Variants in CDKL4 observed in about 807,000 individuals in gnomAD.
CDKL4 encodes cyclin dependent kinase like 4.
CDKL4 carries 44 observed loss-of-function variants against 42.0 expected under a neutral mutation model. The ratio of observed to expected loss-of-function variants is 1.05; its 90% CI spans 0.82 to 1.35. The LOEUF (loss-of-function observed/expected upper bound fraction) is 1.35, where lower values mean the gene tolerates loss of function less well. CDKL4 is among the 40% of genes most tolerant of loss of function. The probability of loss-of-function intolerance (pLI) is 0.00; values close to 1 mark genes in which losing one functional copy is unlikely to be tolerated. For synonymous variants in CDKL4, 120 were observed against 121.6 expected, an observed-to-expected ratio of 0.99 and a Z score of 0.09; for missense variants, 393 against 369.9, an observed-to-expected ratio of 1.06 and a Z score of -0.51.
At chr2:39,221,444 G>A (rs1396504254) in intron 3 of CDKL4, among the ~76,000 whole-genome samples, 1 of 152,108 alleles carries the variant, frequency 6.6e-6, no homozygotes, top group African/African-American at 2.4e-5. Flanking sequence ...CTGGGCTTAG[G>A]CCTTTAAAAA....
intron 9 of CDKL4, among the ~76,000 whole-genome samples, chr2:39,176,735 A>C (rs1675184338): frequency 6.6e-6 from 1 of 152,252 alleles, no homozygotes; most frequent in African/African-American, 2.4e-5. Flanking sequence ...ACCTGGCCTC[A>C]AATTTTGAAT....
intron 2 of CDKL4, among the ~76,000 whole-genome samples, chr2:39,226,536 G>T (rs1309777979): frequency 6.9e-6 from 1 of 145,706 alleles, no homozygotes; most frequent in Admixed American, 7.0e-5. Context: ...CTTATGCATA[G>T]ATATTTTGTG....
At chr2:39,203,778 G>A (rs7563858) in intron 5 of CDKL4, among the ~76,000 whole-genome samples, 2 of 152,066 alleles carry the variant, frequency 1.3e-5, no homozygotes, top group Non-Finnish European at 2.9e-5. Context: ...CTTTTCAGCC[G>A]CATGGCACAG....
intron 3 of CDKL4, among the ~76,000 whole-genome samples, chr2:39,224,865 T>C (rs1406418972): frequency 2.0e-5 from 3 of 152,206 alleles, no homozygotes; most frequent in African/African-American, 7.2e-5. Context: ...TGTCGTGTTA[T>C]AGGGGTCGCT....
exon 6 of CDKL4, chr2:39,190,407 T>G (rs1044777289): frequency 6.2e-7 from 1 of 1,614,104 alleles, no homozygotes; most frequent in Non-Finnish European, 8.5e-7. Flanking sequence ...ATAGCCCATA[T>G]ATCGACTGAA....
At chr2:39,218,571 A>C (rs530970561) in intron 3 of CDKL4, among the ~76,000 whole-genome samples, 1 of 152,174 alleles carries the variant, frequency 6.6e-6, no homozygotes, top group Non-Finnish European at 1.5e-5. Flanking sequence ...TTCACATTTG[A>C]ATCAGTAGAC....
chr2:39,191,193 GT>G (rs1676158664), intron 5 of CDKL4, among the ~76,000 whole-genome samples: 1 of 152,108 alleles, frequency 6.6e-6, no homozygotes, highest in Non-Finnish European at 1.5e-5. Flanking sequence ...GAGGTCAGGA[GT>G]TTGAGACCAG....
At position 39,224,845 on chromosome 2, in the gene CDKL4, A is replaced by T. The variant is rs557238188; in HGVS notation, c.290+994T>A. On this transcript the variant is annotated intron_variant, in intron 3 of 9. Coordinates refer to ENST00000451199, the Ensembl canonical transcript of CDKL4. Reference sequence around the variant, plus strand: ...TGATACAAATGCTGTTAATTTTTGCATGTGGAATCTGTCGTGTTATAGGGG... The same window carrying T: ...TGATACAAATGCTGTTAATTTTTGCTTGTGGAATCTGTCGTGTTATAGGGG... 2.2e-3 allele frequency among the ~76,000 whole-genome samples: 332 copies of T among 152,252 alleles called. 1 individual carries two copies. The highest frequency in any genetic ancestry group is 7.5e-3 in the African/African-American group (311 of 41,534).
At chr2:39,197,783 A>G (rs1013787287) in intron 5 of CDKL4, among the ~76,000 whole-genome samples, 1 of 152,204 alleles carries the variant, frequency 6.6e-6, no homozygotes, top group African/African-American at 2.4e-5. Context: ...CAGACAAACA[A>G]ATGCTGAGAG....
chr2:39,228,550 G>C (rs1678897759), intron 2 of CDKL4, among the ~76,000 whole-genome samples: 1 of 152,182 alleles, frequency 6.6e-6, no homozygotes, highest in African/African-American at 2.4e-5. Flanking sequence ...ACAGGGTCTT[G>C]TCACATAATG....
At chr2:39,184,115 C>T (rs1183544424) in intron 8 of CDKL4, among the ~76,000 whole-genome samples, 3 of 152,334 alleles carry the variant, frequency 2.0e-5, no homozygotes, top group South Asian at 4.1e-4. Flanking sequence ...TGAATAGCCA[C>T]ATTTGGAAGA....
chr2:39,234,192 C>T (rs1187416264), intron 1 of CDKL4, among the ~76,000 whole-genome samples: 1 of 151,952 alleles, frequency 6.6e-6, no homozygotes, highest in Non-Finnish European at 1.5e-5. Context: ...GGACTACAGG[C>T]GTGAGCCACT....
At chr2:39,233,452 C>T (rs1006289759) in intron 1 of CDKL4, among the ~76,000 whole-genome samples, 1 of 152,156 alleles carries the variant, frequency 6.6e-6, no homozygotes, top group Admixed American at 6.5e-5. Context: ...GAGAAGGATA[C>T]ATTTGGCATC....
At chr2:39,177,783 G>C (rs528712645) in intron 9 of CDKL4, among the ~76,000 whole-genome samples, 271 of 151,202 alleles carry the variant, frequency 1.8e-3, no homozygotes, top group Non-Finnish European at 3.5e-3. Context: ...CTGCCTCCCG[G>C]GTTCATGCAA....
rs58302117 is a variant in CDKL4 at position 39,202,238 on chromosome 2, C to CAAACAAAACA, written c.454+2279_454+2288dup. Among the ~76,000 whole-genome samples, 348 of 148,792 alleles carry CAAACAAAACA rather than the reference C, an allele frequency of 2.3e-3. 2 individuals carry two copies. The highest frequency in any genetic ancestry group is 7.8e-3 in the African/African-American group (315 of 40,206). ...CAGAGCAAGACTCTGGACACTGTCT[C>CAAACAAAACA]AAACAAAACAAAACAAAACAAAACA... On this transcript the variant is annotated intron_variant, in intron 5 of 9. Coordinates refer to ENST00000451199, the Ensembl canonical transcript of CDKL4.
At chr2:39,177,408 T>G (rs901750370) in intron 9 of CDKL4, among the ~76,000 whole-genome samples, 1 of 150,950 alleles carries the variant, frequency 6.6e-6, no homozygotes, top group Non-Finnish European at 1.5e-5. Flanking sequence ...AGTGAGTTTT[T>G]TTTTTTTTTT....
chr2:39,225,442 G>T (rs796895829), intron 3 of CDKL4, among the ~76,000 whole-genome samples: 8 of 149,726 alleles, frequency 5.3e-5, no homozygotes, highest in African/African-American at 2.0e-4. Context: ...TAGATGCTAG[G>T]GATTAAAAAA....
intron 8 of CDKL4, among the ~76,000 whole-genome samples, chr2:39,183,105 C>A (rs1675536031): frequency 6.6e-6 from 1 of 152,114 alleles, no homozygotes; most frequent in South Asian, 2.1e-4. Flanking sequence ...CATGATGAAA[C>A]CCTGTCTCTA....
At chr2:39,174,231 C>T (rs976093474), downstream of CDKL4, among the ~76,000 whole-genome samples, 3 of 151,834 alleles carry the variant, frequency 2.0e-5, 1 homozygote, top group Admixed American at 1.3e-4. Context: ...ATAACGAGAC[C>T]GTATCTCTAC....
Sources: allele counts gnomAD v4.1 joint callset (sites outside exome capture counted in the v4.1 genomes callset), GRCh38; gene constraint gnomAD v4.1.1; transcripts MANE v1.5; gene names NCBI Gene and HGNC (gene_info 2026-07-23, HGNC 2026-07-21).